The following DRC11 variants were observed in gnomAD, a reference collection of about 807,000 sequenced individuals.
DRC11 encodes the protein IQ and AAA domain-containing protein 1.
At chr2:236,478,264 G>T in the DRC11 span, among the ~76,000 whole-genome samples, 3 of 151,962 alleles carry the variant, frequency 2.0e-5, no homozygotes, top group Non-Finnish European at 2.9e-5. This position sits in a 1 kb window ranked among gnomAD's most constrained non-coding sequence, Gnocchi z 5.9. Flanking sequence ...ATTTGTTTCA[G>T]GAACTTTTAA....
the DRC11 span, among the ~76,000 whole-genome samples, chr2:236,357,318 TTATATATATTCATATATGAATA>T: frequency 5.2e-5 from 6 of 115,190 alleles, no homozygotes; most frequent in Non-Finnish European, 9.6e-5. Context: ...GATCTATATA[TTATATATATTCATATATGAATA>T]TATATATTAT....
chr2:236,473,128 T>C, the DRC11 span, among the ~76,000 whole-genome samples: 1 of 152,224 alleles, frequency 6.6e-6, no homozygotes, highest in South Asian at 2.1e-4. The surrounding 1 kb of genome is among the most constrained non-coding windows in gnomAD (Gnocchi z 4.8). Flanking sequence ...GCAAATATGA[T>C]GAATAATGCA....
At chr2:236,489,772 T>A in the DRC11 span, among the ~76,000 whole-genome samples, 3 of 152,012 alleles carry the variant, frequency 2.0e-5, no homozygotes, top group African/African-American at 7.3e-5. Context: ...AAATTTTTTT[T>A]AAATTAGTGG....
At chr2:236,382,796 A>C in the DRC11 span, among the ~76,000 whole-genome samples, 1 of 152,178 alleles carries the variant, frequency 6.6e-6, no homozygotes, top group African/African-American at 2.4e-5. Context: ...TATATCCTGC[A>C]CCCTTGCTGA....
the DRC11 span, among the ~76,000 whole-genome samples, chr2:236,416,731 A>C: frequency 2.3e-5 from 1 of 42,998 alleles, no homozygotes; most frequent in African/African-American, 9.3e-5. Flanking sequence ...TTATATATAT[A>C]TATATATATA....
the DRC11 span, among the ~76,000 whole-genome samples, chr2:236,477,681 G>A: frequency 6.6e-6 from 1 of 152,090 alleles, no homozygotes; most frequent in Non-Finnish European, 1.5e-5. Flanking sequence ...TTTCTTTGAT[G>A]GGAGGCTTTT....
the DRC11 span, among the ~76,000 whole-genome samples, chr2:236,404,345 T>C: frequency 6.7e-6 from 1 of 148,550 alleles, no homozygotes; most frequent in Non-Finnish European, 1.5e-5. Context: ...CTGAAGGCCA[T>C]AGATTCATTG....
chr2:236,477,815 G>T, the DRC11 span, among the ~76,000 whole-genome samples: 1 of 152,084 alleles, frequency 6.6e-6, no homozygotes, highest in African/African-American at 2.4e-5. Context: ...TTTCCAAATT[G>T]TTGGTGTACA....
the DRC11 span, among the ~76,000 whole-genome samples, chr2:236,404,486 A>G: frequency 6.6e-6 from 1 of 152,102 alleles, no homozygotes; most frequent in East Asian, 1.9e-4. Flanking sequence ...AGATTTCCAG[A>G]TTATTCGCCC....
At chr2:236,477,052 G>A in the DRC11 span, among the ~76,000 whole-genome samples, 5 of 152,248 alleles carry the variant, frequency 3.3e-5, no homozygotes, top group African/African-American at 1.2e-4. Flanking sequence ...CACTGGGGAT[G>A]TTGGCCGGTA....
At chr2:236,462,062 G>A in the DRC11 span, among the ~76,000 whole-genome samples, 6 of 152,182 alleles carry the variant, frequency 3.9e-5, no homozygotes, top group Admixed American at 6.5e-5. This position sits in a 1 kb window ranked among gnomAD's most constrained non-coding sequence, Gnocchi z 6.4. Flanking sequence ...CGGGGTGAAT[G>A]TTGAGACCCT....
chr2:236,355,288 C>G, the DRC11 span, among the ~76,000 whole-genome samples: 1 of 152,188 alleles, frequency 6.6e-6, no homozygotes, highest in South Asian at 2.1e-4. Context: ...CACTGTGGGG[C>G]GGGGAGAGTG....
the DRC11 span, among the ~76,000 whole-genome samples, chr2:236,396,816 G>T: frequency 6.6e-6 from 1 of 152,094 alleles, no homozygotes; most frequent in Non-Finnish European, 1.5e-5. Flanking sequence ...TGACTTTATT[G>T]AGCCGATTAT....
chr2:236,459,958 G>A, the DRC11 span, among the ~76,000 whole-genome samples: 1 of 151,990 alleles, frequency 6.6e-6, no homozygotes, highest in Non-Finnish European at 1.5e-5. Context: ...CCAAATCGTG[G>A]GAATGCATAT....
the DRC11 span, among the ~76,000 whole-genome samples, chr2:236,374,164 T>C: frequency 6.6e-6 from 1 of 152,174 alleles, no homozygotes; most frequent in Non-Finnish European, 1.5e-5. Flanking sequence ...GCTTGTACTT[T>C]GGGGCTCAAT....
the DRC11 span, chr2:236,368,327 A>T: frequency 7.2e-7 from 1 of 1,392,014 alleles, no homozygotes. Context: ...ACAGAGGAAC[A>T]ATAAATGGAA....
At chr2:236,417,799 A>G in the DRC11 span, among the ~76,000 whole-genome samples, 1 of 150,680 alleles carries the variant, frequency 6.6e-6, no homozygotes, top group African/African-American at 2.4e-5. Flanking sequence ...TCATTGTTCA[A>G]CTCCCACTTA....
At chr2:236,330,921 G>C in the DRC11 span, among the ~76,000 whole-genome samples, 8 of 152,188 alleles carry the variant, frequency 5.3e-5, no homozygotes, top group South Asian at 2.1e-4. This position sits in a 1 kb window ranked among gnomAD's most constrained non-coding sequence, Gnocchi z 5.5. Context: ...GAGTTATCTT[G>C]TGGCTTCCTA....
At chr2:236,451,464 A>G in the DRC11 span, among the ~76,000 whole-genome samples, 1 of 152,136 alleles carries the variant, frequency 6.6e-6, no homozygotes, top group Non-Finnish European at 1.5e-5. Flanking sequence ...TATTTTTGCC[A>G]GATACTGTTC....
Sources: gnomAD v4.1 joint callset for allele counts (sites outside exome capture counted in the v4.1 genomes callset) on GRCh38, gnomAD v4.1.1 for gene constraint, Gnocchi (gnomAD v3.1) non-coding constraint, MANE v1.5 for transcripts, NCBI Gene and HGNC (gene_info 2026-07-23, HGNC 2026-07-21) for gene names.